ELP6: variants seen among roughly 807,000 people sequenced by gnomAD.
The protein encoded by ELP6 is elongator acetyltransferase complex subunit 6.
Under a neutral mutation model 28.1 loss-of-function variants are expected in ELP6, and 23 were observed. That is an observed-to-expected ratio of 0.82 (90% CI 0.59 to 1.16). ELP6 has a LOEUF of 1.16. ELP6 is among the 50% of genes most tolerant of loss of function. The pLI is 0.00. For missense variants in ELP6, 313 were observed against 334.6 expected (o/e 0.94, Z 0.50); for synonymous variants, 132 against 135.8 (o/e 0.97, Z 0.19).
At chr3:47,497,956 G>A in intron 6 of ELP6, 5 of 985,118 alleles carry the variant, frequency 5.1e-6, no homozygotes, top group Non-Finnish European at 6.0e-6. Context: ...GTGTTGACCT[G>A]AATAGACGAC....
chr3:47,506,222 T>C (rs529067172), intron 3 of ELP6, among the ~76,000 whole-genome samples: 55 of 152,154 alleles, frequency 3.6e-4, no homozygotes, highest in Non-Finnish European at 3.2e-4. Flanking sequence ...GGTAATAGAA[T>C]ATCACAAGGC....
rs748652707 is a variant in ELP6 at position 47,496,202 on chromosome 3, A to G, written c.673-5T>C. The G allele has an allele frequency of 6.2e-7, 1 of 1,612,544 alleles. No homozygotes were observed. The highest frequency in any genetic ancestry group is 8.5e-7 in the Non-Finnish European group (1 of 1,179,640). On this transcript the variant is annotated splice_polypyrimidine_tract_variant and splice_region_variant and intron_variant, in intron 6 of 6. Coordinates refer to ENST00000296149, the MANE Select transcript of ELP6 (RefSeq NM_001031703.3). ...TCTCCTCCACAGGATCCTCAGCTAC[A>G]GAGACAGAGAAGAATGAAAGAGGAG...
In ELP6 at chr3:47,501,807, C is replaced by T. The variant is rs774937315; in HGVS notation, c.368G>A (p.Arg123Gln). ...ACTGTCTACTGGCTTCAGGGCCTCC[C>T]GTACAAACTCAAACAATGGTTTCAA... ...GNLKPLFEFVREALKPVDSGE... is the reference protein window; with the variant it reads ...GNLKPLFEFVQEALKPVDSGE... The change falls in exon 5 of 7, where the codon CGG becomes CAG. Residue 123 changes from arginine (R) to glutamine (Q), a missense_variant. Arg to Gln is a conservative substitution (Grantham distance 43). Transcript: ENST00000296149. 46 of 1,614,018 alleles carry T rather than the reference C, an allele frequency of 2.9e-5. No individual in the cohort carries two copies. The highest frequency in any genetic ancestry group is 3.3e-5 in the Admixed American group (2 of 59,988).
chr3:47,495,926 A>C lies in ELP6; in HGVS notation c.*143T>G. Reference sequence around the variant, plus strand: ...GGCAGCCAAGGCATGCCATCACTGCAGCACTCAACCCTCTGGTCACAGTGG... The same window carrying C: ...GGCAGCCAAGGCATGCCATCACTGCCGCACTCAACCCTCTGGTCACAGTGG... On this transcript the variant is annotated 3_prime_UTR_variant, in exon 7 of 7. Transcript: ENST00000296149. 1 of 1,420,592 alleles carries C rather than the reference A, an allele frequency of 7.0e-7. No individual in the cohort carries two copies. Among genetic ancestry groups the C allele is most frequent in the Non-Finnish European group, 9.5e-7 (1 of 1,048,072 alleles). 88.0% of individuals were successfully genotyped at this position (1,420,592 alleles called of 1,614,324 possible). A position where few individuals can be genotyped will look rare whatever the true frequency, so the allele number is the denominator to read the frequency against.
intron 6 of ELP6, chr3:47,497,134 C>T: frequency 1.0e-6 from 1 of 983,948 alleles, no homozygotes; most frequent in Non-Finnish European, 1.2e-6. Flanking sequence ...AACCAGGAAG[C>T]TGTGGTGGAG....
At chr3:47,512,515 C>T (rs1709043933) in intron 1 of ELP6, 3 of 769,684 alleles carry the variant, frequency 3.9e-6, no homozygotes, top group African/African-American at 3.8e-5. Flanking sequence ...CGCGCCAGTG[C>T]ACTCCAGCCC....
At chr3:47,497,208 A>G (rs917753496) in intron 6 of ELP6, 19 of 985,410 alleles carry the variant, frequency 1.9e-5, no homozygotes, top group Middle Eastern at 5.2e-4. Context: ...GCCCATTTAG[A>G]GGGGTAGAAT....
intron 3 of ELP6, among the ~76,000 whole-genome samples, chr3:47,509,741 C>G (rs1210754820): frequency 6.6e-6 from 1 of 151,824 alleles, no homozygotes; most frequent in Non-Finnish European, 1.5e-5. Context: ...TACCTTAGCC[C>G]TTCGAGTAAG....
rs745387307 is a variant in ELP6 at position 47,511,181 on chromosome 3, G to C, written c.100C>G (p.Leu34Val). The C allele has an allele frequency of 2.5e-6, 4 of 1,613,960 alleles. No individual in the cohort carries two copies. Among genetic ancestry groups the C allele is most frequent in the Non-Finnish European group, 3.4e-6 (4 of 1,179,990 alleles). The change falls in exon 2 of 7, where the codon CTT (leucine) becomes GTT (valine). Residue 34 changes from leucine to valine, a missense_variant. By Grantham distance (32) the Leu-to-Val change is conservative. Transcript: ENST00000296149. ...LCDAKTDGSFLVHHFLSFYLK... is the reference protein window; with the variant it reads ...LCDAKTDGSFVVHHFLSFYLK... ...TAGAAGGAGAGAAAGTGGTGTACAA[G>C]GAAACTCCCATCTGTCTTGGCATCA...
At chr3:47,498,825 T>C (rs1030392436) in intron 5 of ELP6, 3 of 483,712 alleles carry the variant, frequency 6.2e-6, no homozygotes, top group African/African-American at 2.1e-5. Flanking sequence ...GTGAGAGATA[T>C]GGGCCCAGGA....
rs1487909805 is a variant in ELP6 at position 47,498,386 on chromosome 3, T to C, written c.572A>G (p.Glu191Gly). The change falls in exon 6 of 7, where the codon GAG (glutamate) becomes GGG (glycine). Residue 191 changes from glutamate to glycine, a missense_variant. Glu to Gly is a moderately conservative substitution (Grantham distance 98, BLOSUM62 -2). Transcript: ENST00000296149. ...GCCATTCAGCAGGATGTCATTCTCC[T>C]CATCCTCCGCATCTCCACTGTCGTG... ...LVHDSGDAED[E>G]ENDILLNGLS... The C allele has an allele frequency of 6.2e-7, 1 of 1,613,632 alleles. No homozygotes were observed. Among genetic ancestry groups the C allele is most frequent in the East Asian group, 2.2e-5 (1 of 44,884 alleles).
At chr3:47,501,119 CACAACCAGTT>C (rs1708637193) in intron 5 of ELP6, among the ~76,000 whole-genome samples, 1 of 152,162 alleles carries the variant, frequency 6.6e-6, no homozygotes, top group Non-Finnish European at 1.5e-5. Flanking sequence ...TCTAAATGAT[CACAACCAGTT>C]ACAGATTTCT....
chr3:47,498,197 A>AGT, intron 6 of ELP6, 89 bp downstream of exon 6: 1 of 1,535,028 alleles, frequency 6.5e-7, no homozygotes. Context: ...TCCCAACCAG[A>AGT]CAGTCCCTCA....
chr3:47,511,025 T>C, intron 2 of ELP6, 123 bp downstream of exon 2: 1 of 761,566 alleles, frequency 1.3e-6, no homozygotes, highest in Non-Finnish European at 2.2e-6. Context: ...ATAGCCCCCC[T>C]AGGTATCCCA....
At chr3:47,498,502 T>G in intron 5 of ELP6, 70 bp from the exon 6 acceptor site, 2 of 1,575,226 alleles carry the variant, frequency 1.3e-6, no homozygotes, top group Non-Finnish European at 1.7e-6. Context: ...AGTGCCAGCC[T>G]CTCGTTGCCT....
intron 1 of ELP6, chr3:47,511,820 TC>T (rs143493246): frequency 0.029 from 28,721 of 986,132 alleles, 476 homozygotes; most frequent in Non-Finnish European, 0.032. Context: ...ACTGTCCTGC[TC>T]CATTCACCTC....
intron 5 of ELP6, 195 bp from the exon 6 acceptor site, chr3:47,498,627 T>C: frequency 2.0e-6 from 2 of 985,366 alleles, no homozygotes; most frequent in Non-Finnish European, 2.4e-6. Flanking sequence ...TCACCCATAT[T>C]TCACCCATAA....
At chr3:47,506,009 T>C (rs1708824989) in intron 3 of ELP6, among the ~76,000 whole-genome samples, 1 of 152,192 alleles carries the variant, frequency 6.6e-6, no homozygotes, top group Non-Finnish European at 1.5e-5. Context: ...CTATTTTCCC[T>C]AAGCGTTGGC....
intron 5 of ELP6, among the ~76,000 whole-genome samples, chr3:47,499,038 G>A (rs1042256798): frequency 4.6e-5 from 7 of 152,224 alleles, no homozygotes; most frequent in Admixed American, 2.6e-4. Context: ...AAAAGTGACA[G>A]CTTGAATAAT....
Sources: allele counts gnomAD v4.1 joint callset (sites outside exome capture counted in the v4.1 genomes callset), GRCh38; gene constraint gnomAD v4.1.1; transcripts MANE v1.5; gene names NCBI Gene and HGNC (gene_info 2026-07-23, HGNC 2026-07-21).